PTPRD: variants seen among roughly 807,000 people sequenced by gnomAD.
The protein encoded by PTPRD is receptor-type tyrosine-protein phosphatase delta.
PTPRD carries 34 observed loss-of-function variants against 214.5 expected under a neutral mutation model. The ratio of observed to expected loss-of-function variants is 0.16; its 90% CI spans 0.12 to 0.21. The LOEUF (loss-of-function observed/expected upper bound fraction) is 0.21, where lower values mean the gene tolerates loss of function less well. PTPRD is among the 10% of genes least tolerant of loss of function. The pLI, the probability that PTPRD is intolerant of heterozygous loss-of-function variation, is 1.00. For missense variants in PTPRD, 2,545 were observed against 2,398.7 expected (o/e 1.06, Z -1.27); for synonymous variants, 1,128 against 845.7 (o/e 1.33, Z -5.79).
At chr9:10,058,877 C>T (rs935945739) in intron 3 of PTPRD, among the ~76,000 whole-genome samples, 1 of 151,922 alleles carries the variant, frequency 6.6e-6, no homozygotes, top group African/African-American at 2.4e-5. Flanking sequence ...TTGTTTCTAT[C>T]GTTTGAAATA....
chr9:9,234,933 C>A (rs1569565048), intron 9 of PTPRD, among the ~76,000 whole-genome samples: 1 of 152,174 alleles, frequency 6.6e-6, no homozygotes, highest in South Asian at 2.1e-4. Context: ...CAAAGTTGCT[C>A]TCACATTTTT....
intron 7 of PTPRD, among the ~76,000 whole-genome samples, chr9:9,602,524 T>C (rs2093849273): frequency 6.6e-6 from 1 of 152,222 alleles, no homozygotes; most frequent in South Asian, 2.1e-4. Context: ...AGAATAAGAG[T>C]AATTCCTGTC....
chr9:8,739,450 G>C (rs1056642835), intron 11 of PTPRD, among the ~76,000 whole-genome samples: 16 of 152,172 alleles, frequency 1.1e-4, no homozygotes, highest in African/African-American at 3.9e-4. Context: ...GTGCGACTGA[G>C]GAAGTAAAGT....
intron 12 of PTPRD, among the ~76,000 whole-genome samples, chr9:8,730,724 T>G (rs955421471): frequency 2.0e-5 from 3 of 152,208 alleles, no homozygotes; most frequent in Non-Finnish European, 1.5e-5. Flanking sequence ...GAGGATTACA[T>G]TACTATAATC....
chr9:9,834,868 T>A (rs2056260436), intron 5 of PTPRD, among the ~76,000 whole-genome samples: 1 of 152,030 alleles, frequency 6.6e-6, no homozygotes, highest in Non-Finnish European at 1.5e-5. Context: ...AGATGTGGTT[T>A]CTTTCCTGGA....
chr9:8,355,182 C>T (rs1401020013), intron 39 of PTPRD, among the ~76,000 whole-genome samples: 2 of 151,922 alleles, frequency 1.3e-5, no homozygotes, highest in African/African-American at 4.8e-5. Flanking sequence ...TAAAATAGTG[C>T]GGCACCTCTC....
intron 11 of PTPRD, among the ~76,000 whole-genome samples, chr9:8,851,055 A>C (rs1438003785): frequency 6.6e-6 from 1 of 152,182 alleles, no homozygotes; most frequent in East Asian, 1.9e-4. Flanking sequence ...CCTTGCCTCC[A>C]TCAATACATT....
intron 8 of PTPRD, among the ~76,000 whole-genome samples, chr9:9,461,715 C>T (rs1040650416): frequency 1.3e-5 from 2 of 152,038 alleles, no homozygotes; most frequent in African/African-American, 4.8e-5. Flanking sequence ...TTCATAACCT[C>T]TATGTTAGGA....
intron 4 of PTPRD, among the ~76,000 whole-genome samples, chr9:10,030,306 G>A (rs538690156): frequency 7.6e-6 from 1 of 132,320 alleles, no homozygotes; most frequent in South Asian, 2.4e-4. Flanking sequence ...AAACTGGGTA[G>A]ATACCCTTTA....
At chr9:9,381,861 T>C (rs906874719) in intron 9 of PTPRD, among the ~76,000 whole-genome samples, 1 of 151,908 alleles carries the variant, frequency 6.6e-6, no homozygotes, top group Non-Finnish European at 1.5e-5. Context: ...TTTTGAATCT[T>C]TTGTGGTTCC....
intron 2 of PTPRD, among the ~76,000 whole-genome samples, chr9:10,444,357 G>A (rs1432894007): frequency 6.6e-6 from 1 of 151,880 alleles, no homozygotes; most frequent in East Asian, 1.9e-4. Context: ...TTTGAAAAAT[G>A]CATAGCTCCA....
Position 8,551,889 on chromosome 9 carries a change from T to C in PTPRD, c.353-23110A>G, listed in dbSNP as rs141627609. On this transcript the variant is annotated intron_variant, in intron 14 of 45. Transcript: ENST00000381196. ...AACCAGAAATGTGATCCAGTCATCC[T>C]GTTCCAATTAAAGAATGGACCATGT... Among the ~76,000 whole-genome samples, 566 of 152,338 alleles carry C rather than the reference T, an allele frequency of 3.7e-3. 7 individuals are homozygous for C. The highest frequency in any genetic ancestry group is 0.013 in the African/African-American group (542 of 41,584).
chr9:9,837,622 C>T (rs1009347844), intron 5 of PTPRD, among the ~76,000 whole-genome samples: 1 of 152,032 alleles, frequency 6.6e-6, no homozygotes, highest in Non-Finnish European at 1.5e-5. Flanking sequence ...GGAAATTAAT[C>T]TAGGCACATA....
intron 12 of PTPRD, among the ~76,000 whole-genome samples, chr9:8,676,004 G>A (rs115234998): frequency 1.3e-5 from 2 of 152,136 alleles, no homozygotes; most frequent in Non-Finnish European, 2.9e-5. Context: ...TTTATGACCT[G>A]AGCCCCGTCG....
At chr9:10,161,556 T>C (rs1229377956) in intron 3 of PTPRD, among the ~76,000 whole-genome samples, 2 of 151,762 alleles carry the variant, frequency 1.3e-5, no homozygotes, top group Non-Finnish European at 3.0e-5. Flanking sequence ...TCAAAATGAT[T>C]TGCAAATCTT....
chr9:10,128,027 A>G (rs2098832623), intron 3 of PTPRD, among the ~76,000 whole-genome samples: 1 of 152,116 alleles, frequency 6.6e-6, no homozygotes, highest in African/African-American at 2.4e-5. Flanking sequence ...TGGTAGCTAC[A>G]ATAAGTCTGT....
At chr9:9,637,143 G>A (rs1177969400) in intron 7 of PTPRD, among the ~76,000 whole-genome samples, 1 of 151,996 alleles carries the variant, frequency 6.6e-6, no homozygotes, top group Non-Finnish European at 1.5e-5. Flanking sequence ...ATGAATTGTG[G>A]GGGACATTGA....
chr9:8,332,210 T>C (rs1477959346), intron 43 of PTPRD, among the ~76,000 whole-genome samples: 1 of 152,154 alleles, frequency 6.6e-6, no homozygotes, highest in African/African-American at 2.4e-5. Flanking sequence ...ACCAGAGCTT[T>C]TGCAGTTGTC....
chr9:8,321,506 TATATATATATATATATATATAA>T (rs1827923342), intron 44 of PTPRD, among the ~76,000 whole-genome samples: 2 of 97,566 alleles, frequency 2.0e-5, no homozygotes, highest in South Asian at 6.1e-4. Flanking sequence ...TATATATATA[TATATATATATATATATATATAA>T]AAGGTATATG....
Sources: allele counts gnomAD v4.1 joint callset (sites outside exome capture counted in the v4.1 genomes callset), GRCh38; gene constraint gnomAD v4.1.1; transcripts MANE v1.5; gene names NCBI Gene and HGNC (gene_info 2026-07-23, HGNC 2026-07-21).